Variants in SEZ6 observed in about 807,000 individuals in gnomAD.
SEZ6 encodes the protein seizure protein 6 homolog.
A neutral mutation model predicts 101.0 loss-of-function variants in SEZ6; 53 were observed. The observed-to-expected ratio is 0.52, with a 90% CI of 0.42 to 0.66. SEZ6 has a LOEUF of 0.66. SEZ6 is among the 30% of genes least tolerant of loss of function. The probability of loss-of-function intolerance (pLI) is 0.00; values close to 1 mark genes in which losing one functional copy is unlikely to be tolerated. For missense variants in SEZ6, 1,102 were observed against 1,289.4 expected (o/e 0.85, Z 2.23); for synonymous variants, 488 against 512.2 (o/e 0.95, Z 0.64).
intron 5 of SEZ6, among the ~76,000 whole-genome samples, chr17:28,962,634 A>C (rs1473195821): frequency 6.6e-6 from 1 of 151,606 alleles, no homozygotes; most frequent in East Asian, 1.9e-4. Context: ...CAAAAAAATT[A>C]GCTGGGTATG....
chr17:28,981,233 A>C (rs2041296174), intron 2 of SEZ6, 138 bp downstream of exon 2: 1 of 1,410,004 alleles, frequency 7.1e-7, no homozygotes, highest in Non-Finnish European at 9.3e-7. Context: ...ATCTGGGTCC[A>C]ATCTACATGC....
chr17:28,993,817 G>A (rs1362294627), intron 1 of SEZ6, among the ~76,000 whole-genome samples: 1 of 152,244 alleles, frequency 6.6e-6, no homozygotes, highest in African/African-American at 2.4e-5. Context: ...GGTTCAAAAG[G>A]CCACACCACT....
Position 29,005,997 on chromosome 17 carries a change from C to A in SEZ6, c.-128G>T, listed in dbSNP as rs543518892. The A allele has an allele frequency of 4.1e-6, 3 of 728,514 alleles. No homozygotes were observed. Among genetic ancestry groups the A allele is most frequent in the Admixed American group, 9.3e-5 (2 of 21,410 alleles). The allele number at this position is 728,514 out of a possible 1,614,324, so 45.1% of individuals were successfully genotyped here. ...GGAGCGGGGCCGCAGCCGTCACCGC[C>A]GCTGCCGCCGCCAGCGCCTGACAGA... On this transcript the variant is annotated 5_prime_UTR_variant, in exon 1 of 17. Coordinates refer to ENST00000317338, the MANE Select transcript of SEZ6 (RefSeq NM_178860.5). This position sits in a 1 kb window ranked among gnomAD's most constrained non-coding sequence, Gnocchi z 4.8.
In SEZ6 at chr17:28,959,825, G is replaced by T. The variant is rs2040947494; in HGVS notation, c.1644C>A (p.Thr548=). ...KYGNFSSSTP[T]YPVGTTVEFS... is the part of the protein sequence containing the mutation. ...ACTCCACAGTGGTACCCACAGGGTA[G>T]GTGGGTGTGCTGCTGCTGAAGTTAC... Residue 548 remains threonine, a synonymous_variant, in exon 8 of 17, where the codon ACC becomes ACA. Transcript: ENST00000317338. This position sits in a 1 kb window ranked among gnomAD's most constrained non-coding sequence, Gnocchi z 4.4. 1 of 1,613,920 alleles carries T rather than the reference G, an allele frequency of 6.2e-7. No individual in the cohort carries two copies. Among genetic ancestry groups the T allele is most frequent in the Non-Finnish European group, 8.5e-7 (1 of 1,179,850 alleles).
intron 1 of SEZ6, among the ~76,000 whole-genome samples, chr17:28,985,927 C>A (rs1383533995): frequency 6.6e-6 from 1 of 152,242 alleles, no homozygotes; most frequent in Admixed American, 6.5e-5. Context: ...AGGATGCACT[C>A]CGCAGTTGCT....
rs2041306737 is a variant in SEZ6, at chr17:28,981,654, A to G, written c.441T>C (p.Pro147=). The change falls in exon 2 of 17, where the codon CCT becomes CCC. Residue 147 remains proline (P), a synonymous_variant. Transcript: ENST00000317338. Reference sequence around the variant, plus strand: ...GTAGGGGAGCTGTGATTCGAAGCATAGGGGACTCTGACTCCGGACTCCAGG... The same window carrying G: ...GTAGGGGAGCTGTGATTCGAAGCATGGGGGACTCTGACTCCGGACTCCAGG... The part of the protein sequence containing the change: ...EGPWSPESES[P]MLRITAPLPP... The G allele has an allele frequency of 6.3e-7, 1 of 1,578,506 alleles. No homozygotes were observed. Among genetic ancestry groups the G allele is most frequent in the Non-Finnish European group, 8.6e-7 (1 of 1,158,510 alleles).
intron 5 of SEZ6, among the ~76,000 whole-genome samples, chr17:28,962,675 G>A (rs996465007): frequency 3.3e-5 from 5 of 151,784 alleles, no homozygotes; most frequent in African/African-American, 1.2e-4. Flanking sequence ...CAGCTACTCT[G>A]GAGGGTGAGG....
At chr17:28,966,318 A>C (rs2041066662) in intron 4 of SEZ6, among the ~76,000 whole-genome samples, 1 of 125,212 alleles carries the variant, frequency 8.0e-6, no homozygotes, top group Non-Finnish European at 1.6e-5. Flanking sequence ...TACTAAAAAT[A>C]CAAAAAAAAA....
At position 28,978,653 on chromosome 17, in the gene SEZ6, G is replaced by A. The variant is rs1469351322; in HGVS notation, c.858+1027C>T. On this transcript the variant is annotated intron_variant, in intron 3 of 16. Coordinates refer to ENST00000317338, the MANE Select transcript of SEZ6 (RefSeq NM_178860.5). ...AAAGTGGGGGTAAAGAACAAGGGAC[G>A]AAGTGTCTAGGGGTGGACCCAGAGA... is the stretch of plus-strand genomic sequence containing the variant. Among the ~76,000 whole-genome samples, 8 of 152,366 alleles carry A rather than the reference G, an allele frequency of 5.3e-5. No homozygotes were observed. In the South Asian group the frequency reaches 1.2e-3, roughly 24 times the overall value.
intron 5 of SEZ6, among the ~76,000 whole-genome samples, chr17:28,961,523 G>A (rs1477937944): frequency 6.6e-6 from 1 of 152,062 alleles, no homozygotes; most frequent in East Asian, 1.9e-4. Flanking sequence ...ATGTAAAAAG[G>A]GGTTAGCACT....
intron 3 of SEZ6, among the ~76,000 whole-genome samples, chr17:28,978,683 G>A (rs2041257757): frequency 6.6e-6 from 1 of 152,224 alleles, no homozygotes; most frequent in South Asian, 2.1e-4. Context: ...CAGAGAGACT[G>A]ACCTTGATTC....
At chr17:28,960,782 A>T (rs373599065) in intron 6 of SEZ6, 23 bp downstream of exon 6, 11 of 1,613,134 alleles carry the variant, frequency 6.8e-6, no homozygotes, top group African/African-American at 2.7e-5. Context: ...AGGCACTCCC[A>T]TTCCACTAGG....
chr17:28,989,757 T>C (rs1354886196), intron 1 of SEZ6, among the ~76,000 whole-genome samples: 1 of 152,266 alleles, frequency 6.6e-6, no homozygotes, highest in Admixed American at 6.5e-5. Context: ...TTCCCAAAAC[T>C]AAGCCACCTT....
At chr17:28,972,188 G>A (rs766713340) in intron 3 of SEZ6, among the ~76,000 whole-genome samples, 2 of 152,216 alleles carry the variant, frequency 1.3e-5, no homozygotes, top group Non-Finnish European at 2.9e-5. Flanking sequence ...TTCTGTTTCA[G>A]ACTCTCCCCA....
Position 29,005,779 on chromosome 17 carries a change from G to GC in SEZ6, c.55+35dup. Reference sequence around the variant, plus strand: ...TTCCCACCCCTGGGGCCCCGCTCCCGCCCCCGTCCTGCCGCCGGATGCCGG... The same window carrying GC: ...TTCCCACCCCTGGGGCCCCGCTCCCGCCCCCCGTCCTGCCGCCGGATGCCGG... On this transcript the variant is annotated intron_variant, in intron 1 of 16. Transcript: ENST00000317338. This position sits in a 1 kb window ranked among gnomAD's most constrained non-coding sequence, Gnocchi z 4.8. The GC allele has an allele frequency of 6.8e-7, 1 of 1,473,814 alleles. No homozygotes were observed. The highest frequency in any genetic ancestry group is 9.0e-7 in the Non-Finnish European group (1 of 1,111,744). 91.3% of individuals were successfully genotyped at this position (1,473,814 alleles called of 1,614,324 possible). A position where few individuals can be genotyped will look rare whatever the true frequency, so the allele number is the denominator to read the frequency against.
intron 16 of SEZ6, 63 bp from the exon 17 acceptor site, chr17:28,956,057 G>A (rs2040872957): frequency 6.9e-6 from 11 of 1,604,358 alleles, no homozygotes; most frequent in Non-Finnish European, 9.4e-6. Flanking sequence ...CCTAGGAAAA[G>A]GGAAAAAGTG....
chr17:28,969,645 C>G, intron 4 of SEZ6, 112 bp downstream of exon 4: 1 of 1,020,170 alleles, frequency 9.8e-7, no homozygotes, highest in Non-Finnish European at 1.3e-6. Flanking sequence ...CTATGTGTCA[C>G]TAGCCCCTCT....
chr17:28,959,670 G>A lies in SEZ6; in HGVS notation c.1771+28C>T, dbSNP rs2040944893. 6.4e-7 allele frequency: 1 copy of A among 1,558,336 alleles called. No homozygotes were observed. Among genetic ancestry groups the A allele is most frequent in the Non-Finnish European group, 8.7e-7 (1 of 1,151,616 alleles). ...CTGGTATGACCCTGCCTTTTGCCCG[G>A]TAGGCCCATCCACTGGTGTCTACTG... On this transcript the variant is annotated intron_variant, in intron 8 of 16. Transcript: ENST00000317338. This position sits in a 1 kb window ranked among gnomAD's most constrained non-coding sequence, Gnocchi z 4.4.
intron 2 of SEZ6, among the ~76,000 whole-genome samples, chr17:28,980,756 G>A (rs1461416893): frequency 2.7e-5 from 4 of 149,692 alleles, no homozygotes; most frequent in Non-Finnish European, 6.0e-5. Context: ...CACCTGCCTC[G>A]GCCTCCCAAA....
Sources: allele counts gnomAD v4.1 joint callset (sites outside exome capture counted in the v4.1 genomes callset), GRCh38; gene constraint gnomAD v4.1.1; non-coding constraint Gnocchi (gnomAD v3.1); transcripts MANE v1.5; gene names NCBI Gene and HGNC (gene_info 2026-07-23, HGNC 2026-07-21).